SNX7: variants seen among roughly 807,000 people sequenced by gnomAD.
SNX7 encodes the protein sorting nexin-7.
SNX7 carries 35 observed loss-of-function variants against 48.4 expected under a neutral mutation model. That is an observed-to-expected ratio of 0.72 (90% confidence interval 0.55 to 0.96). The LOEUF is 0.96. Ranked by LOEUF, SNX7 falls within the 40% of genes least tolerant of loss-of-function variation. SNX7 has a pLI of 0.00. For synonymous variants in SNX7, 190 were observed against 190.2 expected, an observed-to-expected ratio of 1.00 and a Z score of 0.01; for missense variants, 553 against 548.9, an observed-to-expected ratio of 1.01 and a Z score of -0.07.
chr1:98,725,990 T>C (rs1399821642), intron 7 of SNX7, among the ~76,000 whole-genome samples: 5 of 152,202 alleles, frequency 3.3e-5, no homozygotes, highest in Admixed American at 2.6e-4. Context: ...TTGTTTCTCC[T>C]GTGGTTTTCT....
intron 1 of SNX7, among the ~76,000 whole-genome samples, chr1:98,667,495 G>C (rs565823059): frequency 6.6e-6 from 1 of 151,872 alleles, no homozygotes; most frequent in Non-Finnish European, 1.5e-5. Context: ...TCCTACCTCA[G>C]CCTCCCCAGT....
At chr1:98,683,803 G>A (rs1193313424) in intron 1 of SNX7, among the ~76,000 whole-genome samples, 1 of 152,192 alleles carries the variant, frequency 6.6e-6, no homozygotes, top group Admixed American at 6.5e-5. Context: ...GGGACCAGAT[G>A]AACAGGTTTG....
rs145297072 is a variant in SNX7 at position 98,701,158 on chromosome 1, A to G, written c.1039-659A>G. ...AAGATGTAGTTGAATTCTGCACTCA[A>G]ATTTCTTCACATGGGTGCTTTAAGT... On this transcript the variant is annotated intron_variant, in intron 6 of 8. Transcript: ENST00000306121. 1.0e-3 allele frequency among the ~76,000 whole-genome samples: 155 copies of G among 152,284 alleles called. 1 individual carries two copies. The highest frequency in any genetic ancestry group is 3.3e-3 in the African/African-American group (136 of 41,566).
chr1:98,661,324 CT>C (rs1649196380), upstream of SNX7, among the ~76,000 whole-genome samples: 3 of 151,884 alleles, frequency 2.0e-5, no homozygotes, highest in Admixed American at 6.5e-5. Flanking sequence ...GGTCGGGTGC[CT>C]TCCAGCCTCG....
intron 7 of SNX7, among the ~76,000 whole-genome samples, chr1:98,703,872 T>C (rs1470977521): frequency 6.6e-6 from 1 of 152,062 alleles, no homozygotes; most frequent in Non-Finnish European, 1.5e-5. Context: ...AATTTTGCTC[T>C]TGATGAAATA....
chr1:98,694,227 G>A (rs1442696899), intron 4 of SNX7, among the ~76,000 whole-genome samples: 2 of 151,914 alleles, frequency 1.3e-5, no homozygotes, highest in South Asian at 4.2e-4. Context: ...AAAATTAGCC[G>A]GGCGCGGTGG....
rs1045413159 is a variant in SNX7 at position 98,666,685 on chromosome 1, A to G, written c.180+4774A>G. 8.5e-5 allele frequency among the ~76,000 whole-genome samples: 13 copies of G among 152,268 alleles called. No homozygotes were observed. In the East Asian group the frequency reaches 1.7e-3, roughly 20 times the overall value. ...TGCCACTCTCCTACGGAGAGATGGT[A>G]TAAGTGCTGCTTTCCTTGAACTTGG... On this transcript the variant is annotated intron_variant, in intron 1 of 8. Transcript: ENST00000306121.
chr1:98,754,459 G>A (rs1654747181), intron 8 of SNX7, among the ~76,000 whole-genome samples: 1 of 151,792 alleles, frequency 6.6e-6, no homozygotes, highest in African/African-American at 2.4e-5. Context: ...AAGAACTCTG[G>A]GCCTAGAAAT....
At chr1:98,731,372 C>T (rs1288070615) in intron 7 of SNX7, among the ~76,000 whole-genome samples, 1 of 152,008 alleles carries the variant, frequency 6.6e-6, no homozygotes, top group Non-Finnish European at 1.5e-5. Flanking sequence ...GAATGAACTT[C>T]ATAGTTTTAG....
At chr1:98,712,388 A>G (rs1170124569) in intron 7 of SNX7, among the ~76,000 whole-genome samples, 2 of 152,208 alleles carry the variant, frequency 1.3e-5, no homozygotes, top group Admixed American at 6.5e-5. Flanking sequence ...CTCATGGACT[A>G]TGGAAGTTAC....
chr1:98,735,006 A>G (rs1440731315), intron 7 of SNX7, among the ~76,000 whole-genome samples: 2 of 152,076 alleles, frequency 1.3e-5, no homozygotes, highest in Non-Finnish European at 1.5e-5. Flanking sequence ...TGAATTTCCT[A>G]TGGTTAGAGT....
At chr1:98,729,431 A>G (rs1557826220) in intron 7 of SNX7, among the ~76,000 whole-genome samples, 2 of 152,162 alleles carry the variant, frequency 1.3e-5, no homozygotes, top group Non-Finnish European at 2.9e-5. Flanking sequence ...AGCCAAGATC[A>G]GAGTGGAACT....
chr1:98,732,981 C>T (rs1392578878), intron 7 of SNX7, among the ~76,000 whole-genome samples: 3 of 152,096 alleles, frequency 2.0e-5, no homozygotes, highest in Non-Finnish European at 4.4e-5. Context: ...ACTGGTATGT[C>T]AATCGGTGTA....
intron 4 of SNX7, among the ~76,000 whole-genome samples, chr1:98,692,334 G>C (rs1651185238): frequency 6.6e-6 from 1 of 152,096 alleles, no homozygotes; most frequent in Non-Finnish European, 1.5e-5. Context: ...TTGATACCAA[G>C]TTTATGTTGT....
intron 7 of SNX7, among the ~76,000 whole-genome samples, chr1:98,704,024 G>GA (rs1448221061): frequency 6.6e-6 from 1 of 151,120 alleles, no homozygotes; most frequent in Admixed American, 6.6e-5. Context: ...AAAGCACAAG[G>GA]AAAAAAATAG....
At chr1:98,699,052 C>T (rs1471150725) in intron 6 of SNX7, 147 bp downstream of exon 6, 2 of 688,776 alleles carry the variant, frequency 2.9e-6, no homozygotes, top group Admixed American at 2.9e-5. Context: ...TATTTATTCA[C>T]TGTGTGTCTA....
chr1:98,725,481 T>C (rs1339426193), intron 7 of SNX7, among the ~76,000 whole-genome samples: 1 of 152,184 alleles, frequency 6.6e-6, no homozygotes, highest in Non-Finnish European at 1.5e-5. Context: ...GGTATGGTAC[T>C]TGGCATGAAG....
chr1:98,755,840 A>G (rs1221236742), intron 8 of SNX7, among the ~76,000 whole-genome samples: 1 of 151,968 alleles, frequency 6.6e-6, no homozygotes, highest in Non-Finnish European at 1.5e-5. Context: ...AAATTTAAAC[A>G]AAGTATAGGT....
intron 8 of SNX7, among the ~76,000 whole-genome samples, chr1:98,745,400 G>A (rs774401042): frequency 3.3e-5 from 5 of 151,940 alleles, no homozygotes; most frequent in Admixed American, 6.6e-5. Context: ...ATAACAAGGT[G>A]CATTTCTTTT....
Sources: allele counts gnomAD v4.1 joint callset (sites outside exome capture counted in the v4.1 genomes callset), GRCh38; gene constraint gnomAD v4.1.1; transcripts MANE v1.5; gene names NCBI Gene and HGNC (gene_info 2026-07-23, HGNC 2026-07-21).